The following CAND2 variants were observed in gnomAD, a reference collection of about 807,000 sequenced individuals.
CAND2 encodes the protein cullin associated and neddylation dissociated 2 (putative).
Under a neutral mutation model 98.9 loss-of-function variants are expected in CAND2, and 62 were observed. The ratio of observed to expected loss-of-function variants is 0.63; its 90% confidence interval spans 0.51 to 0.77. The LOEUF (loss-of-function observed/expected upper bound fraction) is 0.77. Among genes scored for constraint, CAND2 ranks in the 30% least tolerant of loss-of-function variants. CAND2 has a pLI of 0.00. For missense variants in CAND2, 1,501 were observed against 1,655.2 expected (o/e 0.91, Z 1.62); for synonymous variants, 770 against 731.9 (o/e 1.05, Z -0.84).
intron 2 of CAND2, among the ~76,000 whole-genome samples, chr3:12,805,236 G>A (rs548044371): frequency 2.4e-4 from 37 of 151,610 alleles, no homozygotes; most frequent in Admixed American, 1.4e-3. Context: ...GGGGACTCAG[G>A]TTTCAGAATT....
chr3:12,801,212 A>G (rs888287444), intron 1 of CAND2, among the ~76,000 whole-genome samples: 8 of 151,404 alleles, frequency 5.3e-5, no homozygotes, highest in South Asian at 2.1e-4. Context: ...TAATTTTTGT[A>G]TTTTTAATAG....
In CAND2 at chr3:12,815,490, G is replaced by C; in HGVS notation, c.1299+57G>C. ...CGATTTGCCTACCCAGCCACTCACT[G>C]TTAGTGTCCCTGGACTTGGAAACTC... is the stretch of plus-strand genomic sequence containing the variant. On this transcript the variant is annotated intron_variant, in intron 8 of 14. Transcript: ENST00000456430. The surrounding 1 kb of genome is among the most constrained non-coding windows in gnomAD (Gnocchi z 5.7). The C allele has an allele frequency of 6.6e-7, 1 of 1,509,356 alleles. No individual in the cohort carries two copies. Among genetic ancestry groups the C allele is most frequent in the Non-Finnish European group, 9.0e-7 (1 of 1,105,638 alleles). 93.5% of individuals were successfully genotyped at this position (1,509,356 alleles called of 1,614,324 possible). A position where few individuals can be genotyped will look rare whatever the true frequency, so the allele number is the denominator to read the frequency against.
At chr3:12,819,284 C>G (rs1345265065) in intron 10 of CAND2, among the ~76,000 whole-genome samples, 1 of 152,206 alleles carries the variant, frequency 6.6e-6, no homozygotes, top group Non-Finnish European at 1.5e-5. Context: ...TGCCTTAGCA[C>G]CAAATGGTAA....
intron 1 of CAND2, among the ~76,000 whole-genome samples, chr3:12,798,344 C>G (rs6794244): frequency 0.11 from 17,074 of 152,008 alleles, 1,646 homozygotes; most frequent in African/African-American, 0.26. Context: ...CCTTTCAGCT[C>G]CCATCATGCC....
At chr3:12,819,589 GC>G (rs2061939170) in intron 10 of CAND2, among the ~76,000 whole-genome samples, 1 of 152,190 alleles carries the variant, frequency 6.6e-6, no homozygotes, top group Non-Finnish European at 1.5e-5. Flanking sequence ...CCAGAACGCA[GC>G]CCCAGGAAGA....
At chr3:12,803,396 T>C in intron 1 of CAND2, 92 bp from the exon 2 acceptor site, 1 of 1,247,558 alleles carries the variant, frequency 8.0e-7, no homozygotes, top group East Asian at 2.5e-5. Context: ...ATCTTTGTAT[T>C]AAGGTCTACT....
Position 12,817,609 on chromosome 3 carries a change from C to T in CAND2, c.2677C>T (p.Leu893=). ...ACTGGGCCGTGTGGGTGCTGGCAGC[C>T]TGCCCGACTTCCTGCCCTTCCTGCT... ...YALGRVGAGS[L]PDFLPFLLEQ... The change falls in exon 10 of 15, where the codon CTG becomes TTG. Residue 893 remains leucine, a synonymous_variant. Transcript: ENST00000456430. The T allele has an allele frequency of 6.2e-7, 1 of 1,613,816 alleles. No individual in the cohort carries two copies. Among genetic ancestry groups the T allele is most frequent in the Non-Finnish European group, 8.5e-7 (1 of 1,180,008 alleles).
At chr3:12,809,420 T>A (rs1366195941) in intron 4 of CAND2, among the ~76,000 whole-genome samples, 2 of 152,030 alleles carry the variant, frequency 1.3e-5, no homozygotes, top group African/African-American at 4.8e-5. Flanking sequence ...GAGAGGGGGT[T>A]GGGTAGGACA....
intron 1 of CAND2, among the ~76,000 whole-genome samples, chr3:12,801,027 A>G (rs2061762057): frequency 7.1e-6 from 1 of 141,248 alleles, no homozygotes; most frequent in African/African-American, 2.7e-5. Context: ...CCAGCCTGGA[A>G]ATCAGTATTT....
At chr3:12,825,702 G>C in intron 12 of CAND2, 63 bp downstream of exon 12, 1 of 1,447,346 alleles carries the variant, frequency 6.9e-7, no homozygotes, top group Non-Finnish European at 9.5e-7. Context: ...ATGCCTCACT[G>C]TTAGGGCATT....
chr3:12,823,350 G>A (rs150985305), intron 11 of CAND2, among the ~76,000 whole-genome samples: 281 of 152,010 alleles, frequency 1.8e-3, no homozygotes, highest in Non-Finnish European at 3.4e-3. Flanking sequence ...CAGCACTTTG[G>A]GAGGCTGAGG....
chr3:12,830,279 C>T (rs1399901769), intron 13 of CAND2, among the ~76,000 whole-genome samples: 1 of 152,184 alleles, frequency 6.6e-6, no homozygotes, highest in Admixed American at 6.5e-5. Flanking sequence ...GTTGGGTTTT[C>T]CAGTGTATGC....
chr3:12,810,226 A>G lies in CAND2; in HGVS notation c.659A>G (p.Asp220Gly), dbSNP rs1466373338. Residue 220 changes from aspartate (D) to glycine (G), a missense_variant, in exon 5 of 15, where the codon GAC becomes GGC. Asp to Gly is a moderately conservative substitution (Grantham distance 94, BLOSUM62 -1). Coordinates refer to ENST00000456430, the MANE Select transcript of CAND2 (RefSeq NM_001162499.2). ...LFVELADHLL[D>G]RLPGPRVPTS... ...GTCGAGCTCGCTGACCACCTACTGG[A>G]CCGGCTGCCCGGCCCGCGGGTGCCC... 1.3e-6 allele frequency: 2 copies of G among 1,538,996 alleles called. No individual in the cohort carries two copies. The highest frequency in any genetic ancestry group is 5.0e-5 in the East Asian group (2 of 39,760).
At chr3:12,825,369 C>T (rs2061990573) in intron 11 of CAND2, 101 bp from the exon 12 acceptor site, 1 of 1,184,442 alleles carries the variant, frequency 8.4e-7, no homozygotes, top group Admixed American at 2.5e-5. Flanking sequence ...CCCATTCAGC[C>T]AGTTCTGCAC....
intron 3 of CAND2, 117 bp from the exon 4 acceptor site, chr3:12,808,093 G>A: frequency 7.4e-7 from 1 of 1,355,222 alleles, no homozygotes; most frequent in Admixed American, 2.1e-5. Flanking sequence ...TGGAGCCCTG[G>A]TAAGATTCCC....
In CAND2 at chr3:12,807,225, G is replaced by A; in HGVS notation, c.213-81G>A. On this transcript the variant is annotated intron_variant, in intron 2 of 14. Coordinates refer to ENST00000456430, the MANE Select transcript of CAND2 (RefSeq NM_001162499.2). ...TTTTCCTCAGCACGTGTGGCCGCAG[G>A]AGCATGAGGGGACATAAAGGGGCAG... The A allele has an allele frequency of 3.7e-6, 5 of 1,340,812 alleles. 1 individual carries two copies. The highest frequency in any genetic ancestry group is 2.8e-5 in the South Asian group (2 of 71,298). 83.1% of individuals were successfully genotyped at this position (1,340,812 alleles called of 1,614,324 possible).
chr3:12,833,896 T>G lies in CAND2; in HGVS notation c.3625T>G (p.Ser1209Ala). The change falls in exon 15 of 15, where the codon TCC becomes GCC. Residue 1209 changes from serine (S) to alanine (A), a missense_variant. Coordinates refer to ENST00000456430, the MANE Select transcript of CAND2 (RefSeq NM_001162499.2). ...IMADFSSQIRSNPELAALFES... is the reference protein window; with the variant it reads ...IMADFSSQIRANPELAALFES... ...GGCCGACTTCTCTTCCCAAATCAGA[T>G]CCAACCCTGAACTTGCTGCCCTCTT... 6.2e-7 allele frequency: 1 copy of G among 1,614,122 alleles called. No homozygotes were observed. Among genetic ancestry groups the G allele is most frequent in the African/African-American group, 1.3e-5 (1 of 75,022 alleles).
chr3:12,824,201 C>T (rs4684116), intron 11 of CAND2, among the ~76,000 whole-genome samples: 2 of 152,068 alleles, frequency 1.3e-5, no homozygotes, highest in African/African-American at 4.8e-5. Context: ...CAAACCTGCA[C>T]GTTGTGCACA....
intron 11 of CAND2, among the ~76,000 whole-genome samples, chr3:12,821,572 GC>G (rs921848794): frequency 6.6e-6 from 1 of 152,148 alleles, no homozygotes; most frequent in Admixed American, 6.5e-5. Context: ...GTGGGCACAT[GC>G]CCCCCCTCCG....
Sources: gnomAD v4.1 joint callset for allele counts (sites outside exome capture counted in the v4.1 genomes callset) on GRCh38, gnomAD v4.1.1 for gene constraint, Gnocchi (gnomAD v3.1) non-coding constraint, MANE v1.5 for transcripts, NCBI Gene and HGNC (gene_info 2026-07-23, HGNC 2026-07-21) for gene names.